The following XCR1 variants were observed in gnomAD, a reference collection of about 807,000 sequenced individuals.
The protein encoded by XCR1 is chemokine XC receptor 1.
For missense variants in XCR1, 356 were observed against 424.2 expected (o/e 0.84, Z 1.41); for synonymous variants, 187 against 188.5 (o/e 0.99, Z 0.06).
At chr3:46,023,481 T>C (rs867705392) in intron 1 of XCR1, 6 of 1,563,432 alleles carry the variant, frequency 3.8e-6, no homozygotes, top group Non-Finnish European at 4.4e-6. Context: ...TGCAAAGGGA[T>C]AGCCACATGA....
chr3:46,062,218 G>T (rs1419057431), intron 4 of XCR1, among the ~76,000 whole-genome samples: 1 of 152,170 alleles, frequency 6.6e-6, no homozygotes, highest in Non-Finnish European at 1.5e-5. Context: ...AGGACCAGTG[G>T]ATGTGAGTCC....
chr3:46,035,778 C>T (rs1006039301), intron 5 of XCR1, among the ~76,000 whole-genome samples: 1 of 152,188 alleles, frequency 6.6e-6, no homozygotes, highest in African/African-American at 2.4e-5. Context: ...GTTGAACAAG[C>T]CCAACTGACA....
intron 4 of XCR1, among the ~76,000 whole-genome samples, chr3:46,065,142 C>T (rs1372371562): frequency 6.6e-6 from 1 of 152,076 alleles, no homozygotes; most frequent in Non-Finnish European, 1.5e-5. Flanking sequence ...GTTACCCAGC[C>T]AAGCTCTACT....
Position 46,082,078 on chromosome 3 carries a change from C to G in XCR1, c.-515+3716G>C, listed in dbSNP as rs1467369482. Among the ~76,000 whole-genome samples the G allele has an allele frequency of 2.6e-5, 4 of 152,146 alleles. No homozygotes were observed. In the South Asian group the frequency reaches 6.2e-4, roughly 24 times the overall value. ...ACTTAAAGGCATTGATGCATAGATT[C>G]ATATTTCTCATTTTAAAAAGACAAC... On this transcript the variant is annotated intron_variant, in intron 1 of 5. Coordinates refer to the XCR1 transcript ENST00000683768.
chr3:46,020,393 G>C lies in XCR1; in HGVS notation c.*553C>G, dbSNP rs1424049188. On this transcript the variant is annotated 3_prime_UTR_variant, in exon 2 of 2. Coordinates refer to ENST00000309285, the MANE Select transcript of XCR1 (RefSeq NM_001024644.2). Reference sequence around the variant, plus strand: ...TCTCCAGTCTAGTTGTGGATTTTTAGAATCCAGATATCAACATGACTGCTT... The same window carrying C: ...TCTCCAGTCTAGTTGTGGATTTTTACAATCCAGATATCAACATGACTGCTT... 1.3e-5 allele frequency: 2 copies of C among 153,106 alleles called. No homozygotes were observed. The highest frequency in any genetic ancestry group is 4.8e-5 in the African/African-American group (2 of 41,436). 9.5% of individuals were successfully genotyped at this position (153,106 alleles called of 1,614,324 possible). A position where few individuals can be genotyped will look rare whatever the true frequency, so the allele number is the denominator to read the frequency against.
chr3:46,047,724 G>T (rs1231524162), intron 5 of XCR1, among the ~76,000 whole-genome samples: 1 of 152,228 alleles, frequency 6.6e-6, no homozygotes, highest in Non-Finnish European at 1.5e-5. Context: ...AATCTGGGTG[G>T]CAGACTGGGA....
chr3:46,027,578 TGA>T (rs34835245), upstream of XCR1: 52,545 of 151,796 alleles, frequency 0.35, 11,174 homozygotes, highest in East Asian at 0.65. Flanking sequence ...GGACAGCTAG[TGA>T]GAGAGGAGGA....
intron 4 of XCR1, among the ~76,000 whole-genome samples, chr3:46,054,147 C>T (rs562750110): frequency 3.3e-4 from 50 of 152,218 alleles, no homozygotes; most frequent in African/African-American, 1.2e-3. Context: ...TCAGGGAGCA[C>T]CTTGCCTCTA....
chr3:46,022,203 G>C, intron 1 of XCR1: 1 of 402,938 alleles, frequency 2.5e-6, no homozygotes, highest in East Asian at 4.2e-5. Flanking sequence ...CAGGAAACCG[G>C]GGGGTGGGGA....
At chr3:46,032,709 C>T (rs1394188002) in intron 5 of XCR1, among the ~76,000 whole-genome samples, 1 of 152,220 alleles carries the variant, frequency 6.6e-6, no homozygotes, top group Non-Finnish European at 1.5e-5. Context: ...AAACTGTCTT[C>T]CAAAGTGGCT....
At chr3:46,035,389 A>G (rs964775529) in intron 5 of XCR1, among the ~76,000 whole-genome samples, 18 of 152,216 alleles carry the variant, frequency 1.2e-4, no homozygotes, top group Admixed American at 8.5e-4. Flanking sequence ...AGCCTTCTTC[A>G]TTGGCAATAA....
rs112593130 is a variant in XCR1 at position 46,064,813 on chromosome 3, C to T, written c.-183+2086G>A. On this transcript the variant is annotated intron_variant, in intron 4 of 5. Transcript: ENST00000683768. ...TGCCACTTGGAAGAGTTACCCAGGG[C>T]GGGTGCAGTGGCTCACGCCTGTAAT... Among the ~76,000 whole-genome samples the T allele has an allele frequency of 1.2e-3, 176 of 152,296 alleles. 1 individual carries two copies. Among genetic ancestry groups the T allele is most frequent in the Middle Eastern group, 6.8e-3 (2 of 294 alleles).
intron 5 of XCR1, among the ~76,000 whole-genome samples, chr3:46,042,717 G>A (rs1464531157): frequency 2.0e-5 from 3 of 152,160 alleles, no homozygotes; most frequent in Non-Finnish European, 2.9e-5. Context: ...AGACTAGTTG[G>A]CTTTGTTGGT....
In XCR1 at chr3:46,020,276, TATTAAATTC is replaced by T. The variant is rs1708113978; in HGVS notation, c.*661_*669del. The T allele has an allele frequency of 6.6e-6, 1 of 152,470 alleles. No individual in the cohort carries two copies. Among genetic ancestry groups the T allele is most frequent in the Admixed American group, 6.5e-5 (1 of 15,290 alleles). The allele number at this position is 152,470 out of a possible 1,614,324, so 9.4% of individuals were successfully genotyped here. A position where few individuals can be genotyped will look rare whatever the true frequency, so the allele number is the denominator to read the frequency against. ...AATACTTAGTGCAGAAGGTAGCACT[TATTAAATTC>T]ATTCCTTCAATCAAATATTTATGAG... is the stretch of plus-strand genomic sequence containing the variant. On this transcript the variant is annotated 3_prime_UTR_variant, in exon 2 of 2. Coordinates refer to ENST00000309285, the MANE Select transcript of XCR1 (RefSeq NM_001024644.2).
At chr3:46,058,756 G>A (rs185894183) in intron 4 of XCR1, among the ~76,000 whole-genome samples, 34 of 152,038 alleles carry the variant, frequency 2.2e-4, no homozygotes, top group Admixed American at 2.2e-3. Flanking sequence ...GTAGAAACAG[G>A]GTTTTACCAT....
At chr3:46,067,201 A>G (rs919755955) in intron 3 of XCR1, among the ~76,000 whole-genome samples, 1 of 152,190 alleles carries the variant, frequency 6.6e-6, no homozygotes, top group South Asian at 2.1e-4. Flanking sequence ...GGTAAGTTCT[A>G]TGTGAGGGGC....
chr3:46,067,778 TA>T (rs1344872860), intron 3 of XCR1, among the ~76,000 whole-genome samples: 1 of 151,936 alleles, frequency 6.6e-6, no homozygotes. Context: ...GAAAAGTGCA[TA>T]GGGGTGAGAA....
intron 2 of XCR1, among the ~76,000 whole-genome samples, chr3:46,075,702 CAA>C (rs1403055096): frequency 6.6e-6 from 1 of 151,720 alleles, no homozygotes; most frequent in Non-Finnish European, 1.5e-5. Context: ...AACAAACAAA[CAA>C]AAAACAACCA....
intron 5 of XCR1, among the ~76,000 whole-genome samples, chr3:46,038,742 A>G (rs1422568123): frequency 6.6e-6 from 1 of 152,228 alleles, no homozygotes; most frequent in Non-Finnish European, 1.5e-5. Context: ...AGTTCTAAGC[A>G]GAAATAGTAT....
Sources: allele counts gnomAD v4.1 joint callset (sites outside exome capture counted in the v4.1 genomes callset), GRCh38; gene constraint gnomAD v4.1.1; transcripts MANE v1.5; gene names NCBI Gene and HGNC (gene_info 2026-07-23, HGNC 2026-07-21).